PLA2R1: variants seen among roughly 807,000 people sequenced by gnomAD.
PLA2R1 encodes the protein secretory phospholipase A2 receptor.
PLA2R1 carries 158 observed loss-of-function variants against 195.9 expected under a neutral mutation model. That is an observed-to-expected ratio of 0.81 (90% CI 0.71 to 0.92). The LOEUF (loss-of-function observed/expected upper bound fraction) is 0.92, where lower values mean the gene tolerates loss of function less well. Ranked by LOEUF, PLA2R1 falls within the 40% of genes least tolerant of loss-of-function variation. The pLI, the probability that PLA2R1 is intolerant of heterozygous loss-of-function variation, is 0.00. For missense variants in PLA2R1, 1,626 were observed against 1,764.6 expected, an observed-to-expected ratio of 0.92 and a Z score of 1.41; for synonymous variants, 586 against 598.2, an observed-to-expected ratio of 0.98 and a Z score of 0.30.
chr2:160,014,550 T>C (rs1692605531), intron 9 of PLA2R1, among the ~76,000 whole-genome samples: 1 of 152,238 alleles, frequency 6.6e-6, no homozygotes, highest in African/African-American at 2.4e-5. Context: ...TTATCTATTT[T>C]AATTTATTCA....
Position 159,941,013 on chromosome 2 carries a change from T to C in PLA2R1, c.*765A>G, listed in dbSNP as rs932443946. On this transcript the variant is annotated 3_prime_UTR_variant, in exon 30 of 30. Transcript: ENST00000283243. Reference sequence around the variant, plus strand: ...AACTGTTAAAGTTTCAATATATTACTTTAAGCTTATGTATAAGACATTTTA... The same window carrying C: ...AACTGTTAAAGTTTCAATATATTACCTTAAGCTTATGTATAAGACATTTTA... The C allele has an allele frequency of 6.6e-6, 1 of 152,218 alleles. No homozygotes were observed. Among genetic ancestry groups the C allele is most frequent in the African/African-American group, 2.4e-5 (1 of 41,468 alleles). The allele number at this position is 152,218 out of a possible 1,614,324, so 9.4% of individuals were successfully genotyped here.
downstream of PLA2R1, among the ~76,000 whole-genome samples, chr2:159,930,342 A>G (rs1449887057): frequency 6.6e-6 from 1 of 151,180 alleles, no homozygotes; most frequent in Non-Finnish European, 1.5e-5. Context: ...TGGGAGGCAG[A>G]GCTTGCAGTG....
At chr2:159,987,918 GAATT>G (rs1285638136) in intron 11 of PLA2R1, among the ~76,000 whole-genome samples, 1 of 152,112 alleles carries the variant, frequency 6.6e-6, no homozygotes, top group Non-Finnish European at 1.5e-5. Context: ...AAGGAAGACA[GAATT>G]AGAGAGAGAG....
At chr2:159,961,318 A>C (rs147660140) in intron 20 of PLA2R1, among the ~76,000 whole-genome samples, 132 of 152,296 alleles carry the variant, frequency 8.7e-4, no homozygotes, top group Non-Finnish European at 1.6e-3. Flanking sequence ...TAATGCCTTG[A>C]AGAAAGAGTT....
Position 159,933,444 on chromosome 2 carries a change from C to T in PLA2R1, c.*8334G>A, listed in dbSNP as rs1686671446. 1 of 150,484 alleles carries T rather than the reference C, an allele frequency of 6.6e-6. No homozygotes were observed. The highest frequency in any genetic ancestry group is 6.6e-5 in the Admixed American group (1 of 15,262). 9.3% of individuals were successfully genotyped at this position (150,484 alleles called of 1,614,324 possible). On this transcript the variant is annotated 3_prime_UTR_variant, in exon 30 of 30. Coordinates refer to ENST00000283243, the MANE Select transcript of PLA2R1 (RefSeq NM_007366.5). ...AAAGAAAGCTGTTTATCTAACATTT[C>T]CTACAATTTAATACATATCACTTAT...
intron 24 of PLA2R1, 37 bp from the exon 25 acceptor site, chr2:159,949,813 G>C (rs148326629): frequency 6.4e-7 from 1 of 1,572,150 alleles, no homozygotes; most frequent in East Asian, 2.2e-5. Context: ...TCCTTGCCAC[G>C]ACGGCTGGCA....
intron 1 of PLA2R1, among the ~76,000 whole-genome samples, chr2:160,059,836 T>C (rs1319880354): frequency 1.3e-5 from 2 of 152,082 alleles, no homozygotes; most frequent in African/African-American, 2.4e-5. Context: ...AATAAACCCA[T>C]CAGAGGTTGT....
intron 3 of PLA2R1, among the ~76,000 whole-genome samples, chr2:160,034,019 C>A (rs1694020322): frequency 1.3e-5 from 2 of 152,126 alleles, no homozygotes; most frequent in African/African-American, 2.4e-5. Context: ...TTAAGAGGCT[C>A]CCCAAGAAAA....
chr2:159,950,999 G>A (rs766359803), intron 24 of PLA2R1, among the ~76,000 whole-genome samples: 4 of 152,098 alleles, frequency 2.6e-5, no homozygotes, highest in African/African-American at 9.7e-5. Flanking sequence ...ATTAAATGCC[G>A]CAAATTCCCA....
chr2:159,956,654 T>C (rs1688110959), intron 20 of PLA2R1, 27 bp from the exon 21 acceptor site: 1 of 1,267,974 alleles, frequency 7.9e-7, no homozygotes, highest in South Asian at 1.2e-5. Flanking sequence ...AAACAAAACA[T>C]TCATTTCTGT....
chr2:159,991,349 C>G (rs1042270368), intron 11 of PLA2R1, among the ~76,000 whole-genome samples: 1 of 151,770 alleles, frequency 6.6e-6, no homozygotes, highest in African/African-American at 2.4e-5. Flanking sequence ...TATATGGTGG[C>G]TCATTTCAGA....
At chr2:160,012,976 G>A (rs1323263060) in intron 10 of PLA2R1, among the ~76,000 whole-genome samples, 17 of 152,042 alleles carry the variant, frequency 1.1e-4, no homozygotes, top group Admixed American at 1.1e-3. Flanking sequence ...TAAGCAGTTA[G>A]AAGATAAAAT....
chr2:159,955,130 G>A, intron 23 of PLA2R1, 69 bp downstream of exon 23: 3 of 1,258,780 alleles, frequency 2.4e-6, no homozygotes, highest in Non-Finnish European at 3.4e-6. Flanking sequence ...ACACAGCTGT[G>A]TAAAACCAAC....
At chr2:160,016,079 C>T (rs1692723243) in intron 9 of PLA2R1, among the ~76,000 whole-genome samples, 1 of 152,040 alleles carries the variant, frequency 6.6e-6, no homozygotes, top group African/African-American at 2.4e-5. Flanking sequence ...GTCTGGCCAA[C>T]ATGGCAAAAT....
At chr2:160,036,978 T>C (rs1694204484) in intron 3 of PLA2R1, among the ~76,000 whole-genome samples, 4 of 152,248 alleles carry the variant, frequency 2.6e-5, no homozygotes, top group Admixed American at 2.6e-4. Flanking sequence ...CCTTCATTTT[T>C]GGCTTGTTGC....
chr2:160,039,085 C>G (rs187533686), intron 3 of PLA2R1, among the ~76,000 whole-genome samples: 203 of 152,204 alleles, frequency 1.3e-3, no homozygotes, highest in African/African-American at 4.6e-3. Context: ...ATGCTGATCT[C>G]AAACTCCTGA....
chr2:160,005,867 TA>T (rs746577008), intron 10 of PLA2R1, 46 bp from the exon 11 acceptor site: 6 of 1,345,542 alleles, frequency 4.5e-6, no homozygotes, highest in Non-Finnish European at 6.4e-6. Flanking sequence ...TTCTGGGCAA[TA>T]AAAAAATGTC....
At chr2:159,996,655 T>A (rs1558884958) in intron 11 of PLA2R1, among the ~76,000 whole-genome samples, 1 of 152,112 alleles carries the variant, frequency 6.6e-6, no homozygotes, top group Non-Finnish European at 1.5e-5. Flanking sequence ...TTCTTTCTTT[T>A]CCTTCTGATA....
intron 17 of PLA2R1, 142 bp from the exon 18 acceptor site, chr2:159,970,354 C>A: frequency 2.2e-6 from 1 of 446,322 alleles, no homozygotes. Flanking sequence ...GGCCTAGCAT[C>A]TTGAGAAAAC....
Sources: gnomAD v4.1 joint callset for allele counts (sites outside exome capture counted in the v4.1 genomes callset) on GRCh38, gnomAD v4.1.1 for gene constraint, MANE v1.5 for transcripts, NCBI Gene and HGNC (gene_info 2026-07-23, HGNC 2026-07-21) for gene names.